The following TMEM240 variants were observed in gnomAD, a reference collection of about 807,000 sequenced individuals.
TMEM240 encodes transmembrane protein 240.
TMEM240 carries 3 observed loss-of-function variants against 19.5 expected under a neutral mutation model. The observed-to-expected ratio is 0.15, with a 90% CI of 0.07 to 0.40. The LOEUF (loss-of-function observed/expected upper bound fraction) is 0.40, where lower values mean the gene tolerates loss of function less well. Among genes scored for constraint, TMEM240 ranks in the 10% least tolerant of loss-of-function variants. TMEM240 has a pLI of 1.00. For missense variants in TMEM240, 210 were observed against 253.5 expected, an observed-to-expected ratio of 0.83 and a Z score of 1.17; for synonymous variants, 123 against 109.3, an observed-to-expected ratio of 1.13 and a Z score of -0.78.
rs867534273 is a variant in TMEM240 at position 1,535,634 on chromosome 1, C to T, written c.328G>A (p.Val110Ile). 3.5e-5 allele frequency: 55 copies of T among 1,549,762 alleles called. No individual in the cohort carries two copies. In the East Asian group the frequency reaches 4.9e-4, roughly 14 times the overall value. ...ISWFLVWMDGVLHCAVRAWRA... is the reference protein window; with the variant it reads ...ISWFLVWMDGILHCAVRAWRA... ...CAGGCGCGCACGGCGCAGTGCAGGA[C>T]GCCGTCCATCCACACCAGGAACCAG... is the stretch of plus-strand genomic sequence containing the variant. The change falls in exon 3 of 4, where the codon GTC becomes ATC. Residue 110 changes from valine to isoleucine, a missense_variant. Around this residue, in one of 3 missense-constraint regions of TMEM240, gnomAD observed 157 missense variants for 168.2 expected, o/e 0.93. Coordinates refer to ENST00000378733, the MANE Select transcript of TMEM240 (RefSeq NM_001114748.2). This position sits in a 1 kb window ranked among gnomAD's most constrained non-coding sequence, Gnocchi z 8.2.
chr1:1,540,350 G>A lies in TMEM240; in HGVS notation c.-4C>T. On this transcript the variant is annotated 5_prime_UTR_variant, in exon 1 of 4. Coordinates refer to ENST00000378733, the MANE Select transcript of TMEM240 (RefSeq NM_001114748.2). Reference sequence around the variant, plus strand: ...TGGTGTTCGCGCTCATGGACATCGGGCGGGGCCGGGCCGGGCCGGAGCGCC... The same window carrying A: ...TGGTGTTCGCGCTCATGGACATCGGACGGGGCCGGGCCGGGCCGGAGCGCC... 1 of 1,222,768 alleles carries A rather than the reference G, an allele frequency of 8.2e-7. No homozygotes were observed. Among genetic ancestry groups the A allele is most frequent in the Non-Finnish European group, 1.0e-6 (1 of 974,242 alleles). 75.7% of individuals were successfully genotyped at this position (1,222,768 alleles called of 1,614,324 possible).
intron 1 of TMEM240, 72 bp from the exon 2 acceptor site, chr1:1,539,862 G>C: frequency 7.4e-7 from 1 of 1,358,190 alleles, no homozygotes; most frequent in Admixed American, 2.1e-5. Flanking sequence ...GGGGAGCGCA[G>C]GCCGGGGTCG....
Position 1,540,533 on chromosome 1 carries a change from C to A in TMEM240, c.-187G>T, listed in dbSNP as rs2100700098. 2 of 167,524 alleles carry A rather than the reference C, an allele frequency of 1.2e-5. No individual in the cohort carries two copies. The highest frequency in any genetic ancestry group is 5.0e-5 in the African/African-American group (2 of 40,088). 10.4% of individuals were successfully genotyped at this position (167,524 alleles called of 1,614,324 possible). A position where few individuals can be genotyped will look rare whatever the true frequency, so the allele number is the denominator to read the frequency against. ...CGGGGGGGGGGGCGCCGGGGAGGGA[C>A]GCGGGGCCTTTCTGGGGTCTCTCGG... On this transcript the variant is annotated 5_prime_UTR_variant, in exon 1 of 4. Transcript: ENST00000378733.
rs770406796 is a variant in TMEM240, at chr1:1,535,431, C to T, written c.450G>A (p.Glu150=). Residue 150 remains glutamate (E), a synonymous_variant, in exon 4 of 4, where the codon GAG becomes GAA. Coordinates refer to ENST00000378733, the MANE Select transcript of TMEM240 (RefSeq NM_001114748.2). This position sits in a 1 kb window ranked among gnomAD's most constrained non-coding sequence, Gnocchi z 8.2. ...TCACGTGTACCATGTTCCCGGCGGCCTCCTCGAAGGGCCTGTGCGGCCGCC... is the reference window on the plus strand; with the variant it reads ...TCACGTGTACCATGTTCCCGGCGGCTTCCTCGAAGGGCCTGTGCGGCCGCC... ...LGRRPHRPFE[E]AAGNMVHVKQ... is the part of the protein sequence containing the mutation. 7.7e-6 allele frequency: 12 copies of T among 1,549,460 alleles called. No individual in the cohort carries two copies. Among genetic ancestry groups the T allele is most frequent in the Middle Eastern group, 1.7e-4 (1 of 6,012 alleles).
At position 1,536,856 on chromosome 1, in the gene TMEM240, G is replaced by A. The variant is rs180740066; in HGVS notation, c.165-1059C>T. Among the ~76,000 whole-genome samples, 166 of 152,136 alleles carry A rather than the reference G, an allele frequency of 1.1e-3. No homozygotes were observed. The highest frequency in any genetic ancestry group is 1.9e-3 in the Non-Finnish European group (128 of 67,980). ...CTGCCTGTGTCTCCACGTGGGATCC[G>A]CAGACACCTTAAACTTGTGCCTAAA... On this transcript the variant is annotated intron_variant, in intron 2 of 3. Coordinates refer to ENST00000378733, the MANE Select transcript of TMEM240 (RefSeq NM_001114748.2). This position sits in a 1 kb window ranked among gnomAD's most constrained non-coding sequence, Gnocchi z 5.4.
rs1026446550 is a variant in TMEM240 at position 1,535,454 on chromosome 1, G to T, written c.427C>A (p.Arg143=). Residue 143 remains arginine (R), a synonymous_variant, in exon 4 of 4, where the codon CGG becomes AGG. Transcript: ENST00000378733. This position sits in a 1 kb window ranked among gnomAD's most constrained non-coding sequence, Gnocchi z 8.2. Reference sequence around the variant, plus strand: ...GCCTCCTCGAAGGGCCTGTGCGGCCGCCGGCCCAGCTCCCGCAGGCTGCAC... The same window carrying T: ...GCCTCCTCGAAGGGCCTGTGCGGCCTCCGGCCCAGCTCCCGCAGGCTGCAC... The part of the protein sequence containing the change: ...KLCSLRELGR[R]PHRPFEEAAG... 1 of 1,549,116 alleles carries T rather than the reference G, an allele frequency of 6.5e-7. No individual in the cohort carries two copies. The highest frequency in any genetic ancestry group is 8.7e-7 in the Non-Finnish European group (1 of 1,146,330).
At chr1:1,540,167 G>C (rs1642280881) in intron 1 of TMEM240, 123 bp downstream of exon 1, 1 of 429,292 alleles carries the variant, frequency 2.3e-6, no homozygotes, top group Admixed American at 5.1e-5. Context: ...AGGCCGGGGA[G>C]GGGAGCGCAG....
chr1:1,539,581 G>C, intron 2 of TMEM240, 103 bp downstream of exon 2: 1 of 1,025,480 alleles, frequency 9.8e-7, no homozygotes, highest in Non-Finnish European at 1.4e-6. Flanking sequence ...AAGGGTGGAA[G>C]GCGGCTCGCG....
rs576552880 is a variant in TMEM240, at chr1:1,536,501, C to G, written c.165-704G>C. On this transcript the variant is annotated intron_variant, in intron 2 of 3. Transcript: ENST00000378733. The surrounding 1 kb of genome is among the most constrained non-coding windows in gnomAD (Gnocchi z 5.4). ...CTCAGGATGGACGGCGTCCAGGCTC[C>G]AGGGCCCTTTCGTCCTCAGTGCCTG... Among the ~76,000 whole-genome samples, 2 of 152,332 alleles carry G rather than the reference C, an allele frequency of 1.3e-5. No homozygotes were observed. The highest frequency in any genetic ancestry group is 4.1e-4 in the South Asian group (2 of 4,832).
chr1:1,539,825 C>A (rs747269153), intron 1 of TMEM240, 35 bp from the exon 2 acceptor site: 1 of 1,196,780 alleles, frequency 8.4e-7, no homozygotes. Flanking sequence ...CGCCAAGGAG[C>A]GGGCGGGACG....
At chr1:1,539,627 G>GGCCCCGCCACACATGTGC in intron 2 of TMEM240, 57 bp downstream of exon 2, 1 of 1,472,462 alleles carries the variant, frequency 6.8e-7, no homozygotes. Context: ...GCCCCGAGTG[G>GGCCCCGCCACACATGTGC]GCCCCGCCAC....
rs1487383260 is a variant in TMEM240 at position 1,535,275 on chromosome 1, C to T, written c.*84G>A. Reference sequence around the variant, plus strand: ...TGGGCCCAGGGCTGCTGTCCAGTCCCGCCGGCCCGGGCGTCCACGAGGTCC... The same window carrying T: ...TGGGCCCAGGGCTGCTGTCCAGTCCTGCCGGCCCGGGCGTCCACGAGGTCC... On this transcript the variant is annotated 3_prime_UTR_variant, in exon 4 of 4. Transcript: ENST00000378733. This position sits in a 1 kb window ranked among gnomAD's most constrained non-coding sequence, Gnocchi z 8.2. 55 of 1,479,226 alleles carry T rather than the reference C, an allele frequency of 3.7e-5. No individual in the cohort carries two copies. The highest frequency in any genetic ancestry group is 3.6e-4 in the East Asian group (14 of 39,350). 91.6% of individuals were successfully genotyped at this position (1,479,226 alleles called of 1,614,324 possible).
intron 2 of TMEM240, among the ~76,000 whole-genome samples, chr1:1,538,508 G>T (rs561450059): frequency 3.9e-5 from 6 of 152,366 alleles, no homozygotes; most frequent in Admixed American, 1.3e-4. Flanking sequence ...TGATGCTCTG[G>T]AGCTCGGGTC....
chr1:1,538,221 T>C (rs1642251479), intron 2 of TMEM240, among the ~76,000 whole-genome samples: 1 of 152,230 alleles, frequency 6.6e-6, no homozygotes, highest in African/African-American at 2.4e-5. Context: ...ACGCTGAACG[T>C]ACATATCCTG....
intron 2 of TMEM240, among the ~76,000 whole-genome samples, chr1:1,538,527 G>C (rs1642256080): frequency 6.6e-6 from 1 of 152,362 alleles, no homozygotes; most frequent in African/African-American, 2.4e-5. Context: ...TCTGGGCCCA[G>C]CCTCCGGGAG....
At chr1:1,539,425 G>A in intron 2 of TMEM240, 2 of 522,734 alleles carry the variant, frequency 3.8e-6, no homozygotes, top group South Asian at 4.1e-5. Flanking sequence ...GCGGCTTTCC[G>A]GCCTCCAGGC....
At chr1:1,539,617 G>T in intron 2 of TMEM240, 67 bp downstream of exon 2, 2 of 1,404,774 alleles carry the variant, frequency 1.4e-6, no homozygotes, top group Non-Finnish European at 9.8e-7. Flanking sequence ...GTTCCCCCGC[G>T]CCCCGAGTGG....
At chr1:1,539,881 C>A (rs1642274068) in intron 1 of TMEM240, 91 bp from the exon 2 acceptor site, 2 of 1,073,586 alleles carry the variant, frequency 1.9e-6, no homozygotes, top group Non-Finnish European at 2.6e-6. Context: ...CGGGGCAGCG[C>A]AAGCGGGGAG....
rs1196787440 is a variant in TMEM240 at position 1,539,700 on chromosome 1, G to A, written c.148C>T (p.His50Tyr). 6 of 1,547,954 alleles carry A rather than the reference G, an allele frequency of 3.9e-6. No individual in the cohort carries two copies. The highest frequency in any genetic ancestry group is 1.4e-5 in the African/African-American group (1 of 72,930). The change falls in exon 2 of 4, where the codon CAC becomes TAC. Residue 50 changes from histidine to tyrosine, a missense_variant. Transcript: ENST00000378733. ...TGGACTCACCGGCCACAGTTGCAGT[G>A]GCAGACGCGGTCCTCGCCCCGCAGG... is the stretch of plus-strand genomic sequence containing the variant. ...PHLRGEDRVC[H>Y]CNCGRHHIHY...
Sources: allele counts gnomAD v4.1 joint callset (sites outside exome capture counted in the v4.1 genomes callset), GRCh38; gene constraint gnomAD v4.1.1; regional missense constraint gnomAD v4.1.1; non-coding constraint Gnocchi (gnomAD v3.1); transcripts MANE v1.5; gene names NCBI Gene and HGNC (gene_info 2026-07-23, HGNC 2026-07-21).